STARD13: variants seen among roughly 807,000 people sequenced by gnomAD.
STARD13 encodes StAR related lipid transfer domain containing 13.
In STARD13, 62 loss-of-function variants were observed where a neutral mutation model predicts 106.4. The observed-to-expected ratio is 0.58, with a 90% CI of 0.48 to 0.72. The LOEUF is 0.72. Ranked by LOEUF, STARD13 falls within the 30% of genes least tolerant of loss-of-function variation. The pLI, the probability that STARD13 is intolerant of heterozygous loss-of-function variation, is 0.00. For missense variants in STARD13, 1,387 were observed against 1,424.0 expected (o/e 0.97, Z 0.42); for synonymous variants, 565 against 553.0 (o/e 1.02, Z -0.31).
intron 1 of STARD13, among the ~76,000 whole-genome samples, chr13:33,175,262 A>G (rs117960283): frequency 0.03 from 4,561 of 152,270 alleles, 119 homozygotes; most frequent in Non-Finnish European, 0.049. Context: ...GGCTGCATGC[A>G]TACATCCCCA....
chr13:33,123,340 T>G (rs1041630441), intron 7 of STARD13, among the ~76,000 whole-genome samples: 6 of 152,224 alleles, frequency 3.9e-5, no homozygotes, highest in Non-Finnish European at 7.3e-5. Flanking sequence ...ATGCTAATCT[T>G]TTTCGGGACT....
chr13:33,566,632 C>A, the STARD13 span, among the ~76,000 whole-genome samples: 1 of 148,062 alleles, frequency 6.8e-6, no homozygotes, highest in Admixed American at 6.9e-5. Context: ...ATCACATGAT[C>A]AAGGACACAG....
At chr13:33,220,403 T>G (rs1252058596) in intron 1 of STARD13, among the ~76,000 whole-genome samples, 2 of 152,150 alleles carry the variant, frequency 1.3e-5, no homozygotes, top group Admixed American at 6.5e-5. Flanking sequence ...TAAAAATGAC[T>G]GCATTTAGGC....
At chr13:33,524,833 A>T in the STARD13 span, among the ~76,000 whole-genome samples, 3 of 152,072 alleles carry the variant, frequency 2.0e-5, no homozygotes, top group South Asian at 6.2e-4. Flanking sequence ...CATGACCTCA[A>T]ATACTTATTT....
chr13:33,639,011 C>T, the STARD13 span, among the ~76,000 whole-genome samples: 1 of 152,000 alleles, frequency 6.6e-6, no homozygotes, highest in African/African-American at 2.4e-5. Context: ...ATTTGTGAAC[C>T]AGACATTTTT....
the STARD13 span, among the ~76,000 whole-genome samples, chr13:33,471,324 T>G: frequency 6.6e-6 from 1 of 152,148 alleles, no homozygotes; most frequent in Non-Finnish European, 1.5e-5. Flanking sequence ...GCTGGAAAGG[T>G]CTTTCTGCAT....
chr13:33,144,546 C>T (rs1459545206), intron 3 of STARD13, among the ~76,000 whole-genome samples: 1 of 152,224 alleles, frequency 6.6e-6, no homozygotes, highest in Non-Finnish European at 1.5e-5. Flanking sequence ...AATGACTCTC[C>T]TCATTTTCAA....
In STARD13 at chr13:33,192,571, C is replaced by T. The variant is rs184235803; in HGVS notation, c.170-24949G>A. Among the ~76,000 whole-genome samples, 500 of 152,268 alleles carry T rather than the reference C, an allele frequency of 3.3e-3. 2 individuals carry two copies. The highest frequency in any genetic ancestry group is 7.2e-3 in the Admixed American group (110 of 15,290). ...ATGCTAAATGCTTTATGTGCAATGG[C>T]TCACTTAATCCTCACAAGAGCTTTT... On this transcript the variant is annotated intron_variant, in intron 1 of 13. Coordinates refer to ENST00000336934, the MANE Select transcript of STARD13 (RefSeq NM_178006.4).
At chr13:33,168,690 G>A (rs1883605666) in intron 1 of STARD13, among the ~76,000 whole-genome samples, 1 of 152,162 alleles carries the variant, frequency 6.6e-6, no homozygotes, top group Admixed American at 6.5e-5. Context: ...AAGCTGGAGT[G>A]TACAGGGCGT....
At chr13:33,242,208 T>G (rs911474210) in intron 1 of STARD13, among the ~76,000 whole-genome samples, 1 of 151,228 alleles carries the variant, frequency 6.6e-6, no homozygotes, top group Admixed American at 6.6e-5. Context: ...ATCCGGGAGG[T>G]GGGGGGCAGC....
At chr13:33,247,197 G>A (rs995315531) in intron 1 of STARD13, among the ~76,000 whole-genome samples, 18 of 149,076 alleles carry the variant, frequency 1.2e-4, no homozygotes, top group Non-Finnish European at 2.1e-4. Flanking sequence ...ACTCTGTCTC[G>A]GATAAATAAA....
At position 33,126,133 on chromosome 13, in the gene STARD13, G is replaced by A. The variant is rs745822785; in HGVS notation, c.2030C>T (p.Pro677Leu). 6.2e-7 allele frequency: 1 copy of A among 1,614,208 alleles called. No homozygotes were observed. The highest frequency in any genetic ancestry group is 8.5e-7 in the Non-Finnish European group (1 of 1,180,040). Residue 677 changes from proline to leucine, a missense_variant, in exon 7 of 14, where the codon CCT (proline) becomes CTT (leucine). Coordinates refer to ENST00000336934, the MANE Select transcript of STARD13 (RefSeq NM_178006.4). ...VHVQRTGQPL[P>L]QSIQQALRYL... Reference sequence around the variant, plus strand: ...TCTCAGTGCTTGCTGAATACTTTGAGGCAGGGGCTGTCCCGTTCTTTGGAC... The same window carrying A: ...TCTCAGTGCTTGCTGAATACTTTGAAGCAGGGGCTGTCCCGTTCTTTGGAC...
At chr13:33,386,710 C>T in the STARD13 span, among the ~76,000 whole-genome samples, 5 of 152,116 alleles carry the variant, frequency 3.3e-5, no homozygotes, top group Admixed American at 6.5e-5. Flanking sequence ...CAGAAGTCAC[C>T]ATTTCCTGGG....
At chr13:33,504,749 G>T in the STARD13 span, among the ~76,000 whole-genome samples, 3 of 152,022 alleles carry the variant, frequency 2.0e-5, no homozygotes, top group South Asian at 6.2e-4. Context: ...AGAACTTAAA[G>T]TATAACAAAA....
At chr13:33,197,709 C>G (rs984633894) in intron 1 of STARD13, among the ~76,000 whole-genome samples, 1 of 152,218 alleles carries the variant, frequency 6.6e-6, no homozygotes, top group African/African-American at 2.4e-5. Context: ...AACCAACACC[C>G]TGCTCATCCG....
the STARD13 span, among the ~76,000 whole-genome samples, chr13:33,400,915 A>G: frequency 1.3e-5 from 2 of 152,246 alleles, no homozygotes; most frequent in Admixed American, 1.3e-4. Context: ...AAAAACAAAG[A>G]TTAACGTGGA....
At chr13:33,267,843 CT>C (rs1890971851) in intron 1 of STARD13, among the ~76,000 whole-genome samples, 1 of 152,174 alleles carries the variant, frequency 6.6e-6, no homozygotes, top group African/African-American at 2.4e-5. Context: ...GTCTCTTTCC[CT>C]CTCAGCTGTG....
At chr13:33,544,499 T>C in the STARD13 span, among the ~76,000 whole-genome samples, 4 of 152,242 alleles carry the variant, frequency 2.6e-5, no homozygotes, top group African/African-American at 7.2e-5. Context: ...TTTATGTTTA[T>C]GATAATCAGT....
At chr13:33,428,428 G>T in the STARD13 span, among the ~76,000 whole-genome samples, 5 of 152,046 alleles carry the variant, frequency 3.3e-5, no homozygotes, top group African/African-American at 1.2e-4. Context: ...CATCCGAAAA[G>T]ACGTTAATAT....
Sources: allele counts gnomAD v4.1 joint callset (sites outside exome capture counted in the v4.1 genomes callset), GRCh38; gene constraint gnomAD v4.1.1; transcripts MANE v1.5; gene names NCBI Gene and HGNC (gene_info 2026-07-23, HGNC 2026-07-21).